The following PTPRT variants were observed in gnomAD, a reference collection of about 807,000 sequenced individuals.
PTPRT encodes protein tyrosine phosphatase receptor type T.
Under a neutral mutation model 176.8 loss-of-function variants are expected in PTPRT, and 56 were observed. The observed-to-expected ratio is 0.32, with a 90% CI of 0.26 to 0.40. The LOEUF is 0.40. Ranked by LOEUF, PTPRT falls within the 10% of genes least tolerant of loss-of-function variation. The pLI, the probability that PTPRT is intolerant of heterozygous loss-of-function variation, is 1.00. For synonymous variants in PTPRT, 783 were observed against 739.0 expected (o/e 1.06, Z -0.96); for missense variants, 1,540 against 1,908.2 (o/e 0.81, Z 3.60).
intron 1 of PTPRT, among the ~76,000 whole-genome samples, chr20:42,947,942 G>C (rs1343795313): frequency 6.6e-6 from 1 of 152,144 alleles, no homozygotes; most frequent in East Asian, 1.9e-4. Context: ...CCTAGTACTA[G>C]AACAGTGCCT....
intron 11 of PTPRT, among the ~76,000 whole-genome samples, chr20:42,332,337 G>A (rs1291042301): frequency 6.6e-6 from 1 of 152,072 alleles, no homozygotes; most frequent in Non-Finnish European, 1.5e-5. Flanking sequence ...AGCCTCCCGA[G>A]TAGCTGAGAC....
chr20:42,663,046 T>C (rs964526322), intron 7 of PTPRT, among the ~76,000 whole-genome samples: 5 of 152,096 alleles, frequency 3.3e-5, no homozygotes, highest in Non-Finnish European at 7.3e-5. Flanking sequence ...CAGACATATA[T>C]ATGGCATGTC....
intron 16 of PTPRT, among the ~76,000 whole-genome samples, chr20:42,190,857 G>A (rs756924808): frequency 3.3e-5 from 5 of 152,106 alleles, no homozygotes; most frequent in African/African-American, 7.2e-5. Context: ...TAAGGGCCTC[G>A]GGGTGTCAGG....
chr20:42,069,788 A>G (rs1370109227), downstream of PTPRT, among the ~76,000 whole-genome samples: 1 of 152,188 alleles, frequency 6.6e-6, no homozygotes, highest in Non-Finnish European at 1.5e-5. Flanking sequence ...ATAACTAGTT[A>G]AATTTTGTTC....
rs949625865 is a variant in PTPRT, at chr20:42,677,810, G to C, written c.1153+56C>G. On this transcript the variant is annotated intron_variant, in intron 7 of 30. Coordinates refer to ENST00000373187, the MANE Select transcript of PTPRT (RefSeq NM_007050.6). ...TCACAGGAAGGCAAGAGGAAAGCCAGTCTTGGCAATAGCACAGCCTCTCAT... is the reference window on the plus strand; with the variant it reads ...TCACAGGAAGGCAAGAGGAAAGCCACTCTTGGCAATAGCACAGCCTCTCAT... 11 of 1,555,728 alleles carry C rather than the reference G, an allele frequency of 7.1e-6. No homozygotes were observed. The Admixed American group carries it at 1.9e-4, about 27-fold the overall frequency.
intron 1 of PTPRT, among the ~76,000 whole-genome samples, chr20:43,134,378 C>G (rs1170006610): frequency 6.6e-6 from 1 of 152,164 alleles, no homozygotes; most frequent in Non-Finnish European, 1.5e-5. Flanking sequence ...GAACTTCCCA[C>G]CTTTGCTCTC....
At chr20:42,543,984 G>T (rs565580620) in intron 7 of PTPRT, among the ~76,000 whole-genome samples, 7 of 152,286 alleles carry the variant, frequency 4.6e-5, no homozygotes, top group Admixed American at 2.0e-4. Flanking sequence ...AGGCTTTGTT[G>T]TTCCATTTAC....
At position 42,678,114 on chromosome 20, in the gene PTPRT, G is replaced by T; in HGVS notation, c.905C>A (p.Ala302Asp). 1 of 1,614,042 alleles carries T rather than the reference G, an allele frequency of 6.2e-7. No homozygotes were observed. The highest frequency in any genetic ancestry group is 8.5e-7 in the Non-Finnish European group (1 of 1,180,000). Residue 302 changes from alanine (A) to aspartate (D), a missense_variant, in exon 7 of 31, where the codon GCC becomes GAC. This residue lies in a region of PTPRT where 273 missense variants were observed against 432.1 expected (regional missense o/e 0.63). Coordinates refer to ENST00000373187, the MANE Select transcript of PTPRT (RefSeq NM_007050.6). ...IAPPELLAVGATYLWIKPNAN... is the reference protein window; with the variant it reads ...IAPPELLAVGDTYLWIKPNAN... ...ATTTGGCTTGATCCACAGGTATGTG[G>T]CCCCCACAGCCAGCAGCTCTGGGGG...
intron 1 of PTPRT, among the ~76,000 whole-genome samples, chr20:43,187,270 C>T (rs2015416886): frequency 1.3e-5 from 2 of 152,078 alleles, no homozygotes; most frequent in South Asian, 4.1e-4. Context: ...AAACACACTA[C>T]TTAGTTTTAA....
At chr20:43,058,755 G>C (rs562296753) in intron 1 of PTPRT, among the ~76,000 whole-genome samples, 13 of 152,298 alleles carry the variant, frequency 8.5e-5, no homozygotes, top group African/African-American at 3.1e-4. Context: ...AGAAGGTGCT[G>C]CAGTTTTCAG....
chr20:43,146,702 G>T (rs1021978311), intron 1 of PTPRT, among the ~76,000 whole-genome samples: 5 of 152,156 alleles, frequency 3.3e-5, no homozygotes, highest in Admixed American at 6.6e-5. Context: ...CCTCTCACTT[G>T]CATGGGCCCC....
At chr20:43,031,822 G>T (rs1986149823) in intron 1 of PTPRT, among the ~76,000 whole-genome samples, 1 of 152,144 alleles carries the variant, frequency 6.6e-6, no homozygotes, top group African/African-American at 2.4e-5. Flanking sequence ...GCCCTTTCAT[G>T]GGTTCTCAAA....
chr20:42,449,010 C>T lies in PTPRT; in HGVS notation c.1451-681G>A, dbSNP rs575840215. On this transcript the variant is annotated intron_variant, in intron 8 of 30. Transcript: ENST00000373187. Reference sequence around the variant, plus strand: ...TTTTAGGATTTGTATTTGAGAAATGCAAAGTGAGCTTCCCATCATCTTACC... The same window carrying T: ...TTTTAGGATTTGTATTTGAGAAATGTAAAGTGAGCTTCCCATCATCTTACC... Among the ~76,000 whole-genome samples, 515 of 152,240 alleles carry T rather than the reference C, an allele frequency of 3.4e-3. 3 individuals carry two copies. The highest frequency in any genetic ancestry group is 6.0e-3 in the Non-Finnish European group (407 of 68,006).
chr20:42,632,022 T>C (rs1434088792), intron 7 of PTPRT, among the ~76,000 whole-genome samples: 1 of 152,072 alleles, frequency 6.6e-6, no homozygotes, highest in African/African-American at 2.4e-5. Context: ...TCATGCTGTA[T>C]TGGTTGGACG....
intron 1 of PTPRT, among the ~76,000 whole-genome samples, chr20:42,942,620 G>T (rs1980628494): frequency 6.6e-6 from 1 of 152,180 alleles, no homozygotes; most frequent in Non-Finnish European, 1.5e-5. Context: ...ATGGGGCTTG[G>T]CACTTGGGGA....
At chr20:42,652,047 C>CA (rs1486331363) in intron 7 of PTPRT, among the ~76,000 whole-genome samples, 2 of 129,304 alleles carry the variant, frequency 1.5e-5, no homozygotes, top group African/African-American at 5.8e-5. Context: ...GACTCCACCT[C>CA]AAAAAAACAA....
chr20:43,083,320 G>GTATATATATATATATA (rs779087395), intron 1 of PTPRT, among the ~76,000 whole-genome samples: 2 of 37,386 alleles, frequency 5.3e-5, no homozygotes, highest in Non-Finnish European at 7.0e-5. Context: ...CACTTCAAAT[G>GTATATATATATATATA]TATATATATA....
intron 11 of PTPRT, among the ~76,000 whole-genome samples, chr20:42,329,504 TACAC>T (rs1254341273): frequency 1.7e-5 from 2 of 121,158 alleles, no homozygotes; most frequent in Admixed American, 8.3e-5. Context: ...CACACACACA[TACAC>T]ACACACACAC....
chr20:42,271,121 A>G (rs567815945), intron 13 of PTPRT, among the ~76,000 whole-genome samples: 1 of 152,128 alleles, frequency 6.6e-6, no homozygotes, highest in South Asian at 2.1e-4. Flanking sequence ...TAAACTTCAA[A>G]CCACCTCACT....
Sources: gnomAD v4.1 joint callset for allele counts (sites outside exome capture counted in the v4.1 genomes callset) on GRCh38, gnomAD v4.1.1 for gene constraint, gnomAD v4.1.1 regional missense constraint, MANE v1.5 for transcripts, NCBI Gene and HGNC (gene_info 2026-07-23, HGNC 2026-07-21) for gene names.